The following ZNF366 variants were observed in gnomAD, a reference collection of about 807,000 sequenced individuals.
ZNF366 encodes the protein zinc finger protein 366.
A neutral mutation model predicts 47.2 loss-of-function variants in ZNF366; 20 were observed. The observed-to-expected ratio is 0.42, with a 90% CI of 0.30 to 0.62. ZNF366 has a LOEUF of 0.62. Ranked by LOEUF, ZNF366 falls within the 20% of genes least tolerant of loss-of-function variation. The pLI is 0.16. For missense variants in ZNF366, 987 were observed against 976.3 expected (o/e 1.01, Z -0.15); for synonymous variants, 421 against 395.1 (o/e 1.07, Z -0.78).
intron 1 of ZNF366, among the ~76,000 whole-genome samples, chr5:72,483,374 C>T (rs1743826974): frequency 6.6e-6 from 1 of 152,118 alleles, no homozygotes; most frequent in East Asian, 1.9e-4. Flanking sequence ...GCCCAGGCAA[C>T]CCAGGGTAAC....
In ZNF366 at chr5:72,443,570, G is replaced by T; in HGVS notation, c.*186C>A. 1 of 626,692 alleles carries T rather than the reference G, an allele frequency of 1.6e-6. No homozygotes were observed. Among genetic ancestry groups the T allele is most frequent in the South Asian group, 2.1e-5 (1 of 48,360 alleles). 38.8% of individuals were successfully genotyped at this position (626,692 alleles called of 1,614,324 possible). ...GATGAAGACCCTGCACATGTGTGAA[G>T]GGTATCAAGGGCCCCGTGAATGACC... On this transcript the variant is annotated 3_prime_UTR_variant, in exon 5 of 5. Coordinates refer to ENST00000318442, the MANE Select transcript of ZNF366 (RefSeq NM_152625.3).
chr5:72,461,551 G>T, intron 1 of ZNF366, 41 bp from the exon 2 acceptor site: 1 of 1,515,148 alleles, frequency 6.6e-7, no homozygotes, highest in South Asian at 1.4e-5. Context: ...GTTTGGTTTT[G>T]TTTAAAATTC....
At chr5:72,494,245 G>A (rs777015568) in intron 1 of ZNF366, 1 of 152,062 alleles carries the variant, frequency 6.6e-6, no homozygotes, top group Non-Finnish European at 1.5e-5. Flanking sequence ...TGGAGCTATA[G>A]GACTTCAGCC....
At chr5:72,502,254 A>G (rs188879811) in intron 1 of ZNF366, among the ~76,000 whole-genome samples, 138 of 152,360 alleles carry the variant, frequency 9.1e-4, no homozygotes, top group African/African-American at 3.2e-3. Context: ...TATGTATTAC[A>G]CATAACGCTG....
intron 4 of ZNF366, among the ~76,000 whole-genome samples, chr5:72,444,865 A>G (rs781770892): frequency 6.6e-6 from 1 of 152,190 alleles, no homozygotes; most frequent in Non-Finnish European, 1.5e-5. Context: ...ATTTGGAAGG[A>G]GGGATGTCAA....
chr5:72,467,003 A>G (rs1743442827), intron 1 of ZNF366, among the ~76,000 whole-genome samples: 1 of 152,246 alleles, frequency 6.6e-6, no homozygotes, highest in South Asian at 2.1e-4. Context: ...ATGGGTAGAA[A>G]GAAAGACTCC....
chr5:72,453,714 C>G (rs1382028630), intron 3 of ZNF366, among the ~76,000 whole-genome samples: 1 of 152,192 alleles, frequency 6.6e-6, no homozygotes, highest in Non-Finnish European at 1.5e-5. Flanking sequence ...AAAGAGGGCA[C>G]CCAGCAGGGT....
At chr5:72,447,439 A>T in intron 3 of ZNF366, 22 bp from the exon 4 acceptor site, 1 of 1,613,396 alleles carries the variant, frequency 6.2e-7, no homozygotes, top group Non-Finnish European at 8.5e-7. Context: ...GGGGATGAGA[A>T]CACAGGTTAC....
chr5:72,485,788 T>C (rs1309113126), intron 1 of ZNF366, among the ~76,000 whole-genome samples: 1 of 152,218 alleles, frequency 6.6e-6, no homozygotes, highest in African/African-American at 2.4e-5. Context: ...CTGTTACTCC[T>C]ATGATCTCAT....
At chr5:72,449,158 C>A (rs1490257806) in intron 3 of ZNF366, among the ~76,000 whole-genome samples, 2 of 152,116 alleles carry the variant, frequency 1.3e-5, no homozygotes, top group African/African-American at 4.8e-5. Flanking sequence ...ATGTATCAAT[C>A]TGTGGCTCAG....
Position 72,461,398 on chromosome 5 carries a change from A to G in ZNF366, c.99T>C (p.Ala33=), listed in dbSNP as rs781189024. 1.9e-6 allele frequency: 3 copies of G among 1,613,544 alleles called. No individual in the cohort carries two copies. Among genetic ancestry groups the G allele is most frequent in the Non-Finnish European group, 2.5e-6 (3 of 1,179,718 alleles). ...GTCTTTGGGGAGCCTTTCCCCGAGA[A>G]GCCACTGGCTGCAGGCAGTGGGGAA... The part of the protein sequence containing the change: ...PSFPHCLQPV[A]SRGKAPQRHP... The change falls in exon 2 of 5, where the codon GCT becomes GCC. Residue 33 remains alanine, a synonymous_variant. Transcript: ENST00000318442.
rs111558069 is a variant in ZNF366, at chr5:72,479,538, T to C, written c.-14-18028A>G. ...ACATATGACAAATAATTAATGTTAT[T>C]GAACATCTAAAAGCTTCTATAAATC... On this transcript the variant is annotated intron_variant, in intron 1 of 4. Coordinates refer to ENST00000318442, the MANE Select transcript of ZNF366 (RefSeq NM_152625.3). Among the ~76,000 whole-genome samples, 889 of 152,330 alleles carry C rather than the reference T, an allele frequency of 5.8e-3. 10 individuals are homozygous for C. The highest frequency in any genetic ancestry group is 0.019 in the African/African-American group (808 of 41,576).
chr5:72,486,195 G>A (rs1743888712), intron 1 of ZNF366, among the ~76,000 whole-genome samples: 1 of 152,196 alleles, frequency 6.6e-6, no homozygotes, highest in Non-Finnish European at 1.5e-5. Context: ...TTCGTGAGAG[G>A]TTGTTGCCTG....
At chr5:72,474,425 C>T (rs1561198571) in intron 1 of ZNF366, among the ~76,000 whole-genome samples, 1 of 152,094 alleles carries the variant, frequency 6.6e-6, no homozygotes, top group Non-Finnish European at 1.5e-5. Flanking sequence ...AGTATTCTTC[C>T]ACTACATTGA....
rs146433597 is a variant in ZNF366, at chr5:72,479,156, G to A, written c.-14-17646C>T. 8.1e-3 allele frequency among the ~76,000 whole-genome samples: 1,240 copies of A among 152,302 alleles called. 6 individuals carry two copies. The highest frequency in any genetic ancestry group is 0.034 in the Middle Eastern group (10 of 294). On this transcript the variant is annotated intron_variant, in intron 1 of 4. Coordinates refer to ENST00000318442, the MANE Select transcript of ZNF366 (RefSeq NM_152625.3). ...GTACCAGGTTCATTCCAGGTCCAAAGCTCCAACTCATAGGTAGAGATGGCT... is the reference window on the plus strand; with the variant it reads ...GTACCAGGTTCATTCCAGGTCCAAAACTCCAACTCATAGGTAGAGATGGCT...
Position 72,444,112 on chromosome 5 carries a change from C to A in ZNF366, c.1879G>T (p.Glu627Ter). 1 of 1,614,034 alleles carries A rather than the reference C, an allele frequency of 6.2e-7. No individual in the cohort carries two copies. Among genetic ancestry groups the A allele is most frequent in the Non-Finnish European group, 8.5e-7 (1 of 1,180,036 alleles). Residue 627 changes from glutamate to a stop codon, truncating the protein, a stop_gained, in exon 5 of 5, where the codon GAG (glutamate) becomes TAG (stop). Coordinates refer to ENST00000318442, the MANE Select transcript of ZNF366 (RefSeq NM_152625.3). LOFTEE classifies it low-confidence loss of function (END_TRUNC). ...AGGCCAGGGCTGTAGGGCTCCACCT[C>A]GTAGCAGTTATCCTCCTCTTCCTCC... ...HEEEEEDNCY[E>*]VEPYSPGLAP...
chr5:72,470,683 C>T (rs1176187184), intron 1 of ZNF366, among the ~76,000 whole-genome samples: 6 of 152,182 alleles, frequency 3.9e-5, no homozygotes, highest in Non-Finnish European at 8.8e-5. Context: ...TTCTCTTGCT[C>T]CCTGATCCCA....
chr5:72,470,908 G>C (rs992644382), intron 1 of ZNF366, among the ~76,000 whole-genome samples: 1 of 152,206 alleles, frequency 6.6e-6, no homozygotes, highest in East Asian at 1.9e-4. Context: ...TGAGTGGCAT[G>C]TTCCTTTGAT....
intron 1 of ZNF366, among the ~76,000 whole-genome samples, chr5:72,486,992 A>G (rs952093890): frequency 1.3e-5 from 2 of 151,972 alleles, no homozygotes; most frequent in East Asian, 1.9e-4. Flanking sequence ...GGCCAGACTG[A>G]TCTTGAACTC....
Sources: gnomAD v4.1 joint callset for allele counts (sites outside exome capture counted in the v4.1 genomes callset) on GRCh38, gnomAD v4.1.1 for gene constraint, MANE v1.5 for transcripts, NCBI Gene and HGNC (gene_info 2026-07-23, HGNC 2026-07-21) for gene names.